Variants in LRSAM1 observed in about 807,000 individuals in gnomAD.
The protein encoded by LRSAM1 is leucine rich repeat and sterile alpha motif containing 1, also known as E3 ubiquitin-protein ligase LRSAM1.
In LRSAM1, 96 loss-of-function variants were observed where a neutral mutation model predicts 118.1. The observed-to-expected ratio is 0.81, with a 90% confidence interval of 0.69 to 0.96. The LOEUF is 0.96. Among genes scored for constraint, LRSAM1 ranks in the 40% least tolerant of loss-of-function variants. The probability of loss-of-function intolerance (pLI) is 0.00; values close to 1 mark genes in which losing one functional copy is unlikely to be tolerated. For missense variants in LRSAM1, 804 were observed against 915.5 expected, an observed-to-expected ratio of 0.88 and a Z score of 1.57; for synonymous variants, 322 against 364.2, an observed-to-expected ratio of 0.88 and a Z score of 1.32.
Position 127,481,197 on chromosome 9 carries a change from C to G in LRSAM1, c.1058C>G (p.Ser353Cys), listed in dbSNP as rs748144981. 1.4e-5 allele frequency: 22 copies of G among 1,613,816 alleles called. No homozygotes were observed. The highest frequency in any genetic ancestry group is 1.7e-5 in the Non-Finnish European group (20 of 1,180,000). ...TTTCTCCACAGACAAAAGAAAAGCT[C>G]CGAGATTTTGAAATCGCTGGAAAAT... ...LQDNQRQKKSSEILKSLENER... is the reference protein window; with the variant it reads ...LQDNQRQKKSCEILKSLENER... Residue 353 changes from serine (S) to cysteine (C), a missense_variant, in exon 15 of 26, where the codon TCC becomes TGC. Ser to Cys is a moderately radical substitution (Grantham distance 112). Coordinates refer to ENST00000300417, the MANE Select transcript of LRSAM1 (RefSeq NM_001005373.4).
At chr9:127,469,620 G>A (rs1439668686) in intron 10 of LRSAM1, among the ~76,000 whole-genome samples, 8 of 147,402 alleles carry the variant, frequency 5.4e-5, no homozygotes, top group Non-Finnish European at 4.5e-5. Flanking sequence ...CTTTTCAATG[G>A]AAAAAAAAAA....
chr9:127,458,879 A>T, intron 6 of LRSAM1, 124 bp from the exon 7 acceptor site: 1 of 818,488 alleles, frequency 1.2e-6, no homozygotes, highest in South Asian at 1.4e-5. Flanking sequence ...GTGGGAAAGG[A>T]GTGGCAGGCA....
At position 127,458,987 on chromosome 9, in the gene LRSAM1, G is replaced by A. The variant is rs767830115; in HGVS notation, c.253-16G>A. ...ACTTTCTCACTTGGAGACTCACAGG[G>A]GTCTTTCTTCTGCAGGTTCTAGATC... On this transcript the variant is annotated splice_polypyrimidine_tract_variant and intron_variant, in intron 6 of 25. Transcript: ENST00000300417. 4 of 1,613,200 alleles carry A rather than the reference G, an allele frequency of 2.5e-6. No individual in the cohort carries two copies. In the South Asian group the frequency reaches 4.4e-5, roughly 18 times the overall value.
chr9:127,456,484 G>T (rs1834522625), intron 5 of LRSAM1, among the ~76,000 whole-genome samples: 1 of 152,164 alleles, frequency 6.6e-6, no homozygotes, highest in Non-Finnish European at 1.5e-5. Context: ...ACCTGCCTTA[G>T]CCTGCCAAAG....
intron 24 of LRSAM1, among the ~76,000 whole-genome samples, chr9:127,497,908 C>CTGT (rs1836217170): frequency 6.6e-6 from 1 of 152,232 alleles, no homozygotes; most frequent in African/African-American, 2.4e-5. Context: ...TGAGGAGGCA[C>CTGT]TGTTGTGGTC....
chr9:127,460,181 G>T (rs868823757), intron 7 of LRSAM1, among the ~76,000 whole-genome samples: 1 of 151,886 alleles, frequency 6.6e-6, no homozygotes, highest in African/African-American at 2.4e-5. Flanking sequence ...TTATATTTTA[G>T]TAGAGACGGG....
At chr9:127,489,780 C>G (rs1463278494) in intron 19 of LRSAM1, among the ~76,000 whole-genome samples, 1 of 152,224 alleles carries the variant, frequency 6.6e-6, no homozygotes, top group Non-Finnish European at 1.5e-5. Context: ...ACGCCTGGGC[C>G]AGGGAGGCTG....
intron 10 of LRSAM1, among the ~76,000 whole-genome samples, chr9:127,471,522 C>T (rs1835168505): frequency 6.8e-6 from 1 of 146,102 alleles, no homozygotes; most frequent in Admixed American, 6.9e-5. Flanking sequence ...CGCGGTGGCT[C>T]ACGCCTGTAA....
In LRSAM1 at chr9:127,497,138, C is replaced by T. The variant is rs1836177921; in HGVS notation, c.1831-115C>T. On this transcript the variant is annotated intron_variant, in intron 23 of 25. Coordinates refer to ENST00000300417, the MANE Select transcript of LRSAM1 (RefSeq NM_001005373.4). Reference sequence around the variant, plus strand: ...CCCGCCAGGCCCCGGAAGGCTTCCACATTTCCAGCAGGAGGTGTCGACGGT... The same window carrying T: ...CCCGCCAGGCCCCGGAAGGCTTCCATATTTCCAGCAGGAGGTGTCGACGGT... The T allele has an allele frequency of 1.0e-5, 11 of 1,071,468 alleles. No homozygotes were observed. In the South Asian group the frequency reaches 1.3e-4, roughly 13 times the overall value. The allele number at this position is 1,071,468 out of a possible 1,614,324, so 66.4% of individuals were successfully genotyped here. A position where few individuals can be genotyped will look rare whatever the true frequency, so the allele number is the denominator to read the frequency against.
Position 127,473,825 on chromosome 9 carries a change from C to G in LRSAM1, c.644C>G (p.Pro215Arg), listed in dbSNP as rs764482781. 2.5e-6 allele frequency: 4 copies of G among 1,614,230 alleles called. No homozygotes were observed. The South Asian group carries it at 3.3e-5, about 13-fold the overall frequency. ...CKESGLEYYP[P>R]SQYLLPILEQ... Reference sequence around the variant, plus strand: ...GAGTCAGGGCTGGAATACTACCCCCCTTCTCAGTACTTGCTGCCAATTCTG... The same window carrying G: ...GAGTCAGGGCTGGAATACTACCCCCGTTCTCAGTACTTGCTGCCAATTCTG... Residue 215 changes from proline (P) to arginine (R), a missense_variant, in exon 11 of 26, where the codon CCT (proline) becomes CGT (arginine). Pro to Arg is a moderately radical substitution (Grantham distance 103). Transcript: ENST00000300417.
chr9:127,495,399 C>T lies in LRSAM1; in HGVS notation c.1679C>T (p.Pro560Leu), dbSNP rs1268843416. The T allele has an allele frequency of 1.2e-6, 2 of 1,613,900 alleles. No individual in the cohort carries two copies. Among genetic ancestry groups the T allele is most frequent in the Non-Finnish European group, 1.7e-6 (2 of 1,179,998 alleles). ...TATCAACGGCTTTTGAACCAGAAGC[C>T]CTTGTCCTTGAAGCTGCAAGTAAGG... is the stretch of plus-strand genomic sequence containing the variant. Reference protein sequence around the residue: ...IQYQRLLNQKPLSLKLQEEGM... With the variant: ...IQYQRLLNQKLLSLKLQEEGM... Residue 560 changes from proline to leucine, a missense_variant, in exon 22 of 26, where the codon CCC (proline) becomes CTC (leucine). Pro to Leu is a moderately conservative substitution (Grantham distance 98). Transcript: ENST00000300417.
At chr9:127,491,348 G>A (rs1275003152) in intron 20 of LRSAM1, 53 bp downstream of exon 20, 1 of 1,433,596 alleles carries the variant, frequency 7.0e-7, no homozygotes, top group Admixed American at 1.7e-5. Flanking sequence ...ACCCCCACCT[G>A]GTGCTCCCTC....
chr9:127,487,721 G>A lies in LRSAM1; in HGVS notation c.1305G>A (p.Gln435=), dbSNP rs779188065. Reference sequence around the variant, plus strand: ...GATTCCAGCAGATTCTGTCGTGGCAGCAAATGGATCAGAACAAAGCCATCA... The same window carrying A: ...GATTCCAGCAGATTCTGTCGTGGCAACAAATGGATCAGAACAAAGCCATCA... The part of the protein sequence containing the change: ...DERFQQILSW[Q]QMDQNKAISQ... Residue 435 remains glutamine (Q), a synonymous_variant, in exon 18 of 26, where the codon CAG becomes CAA. Transcript: ENST00000300417. The A allele has an allele frequency of 3.7e-6, 6 of 1,613,690 alleles. No homozygotes were observed. The Admixed American group carries it at 5.0e-5, about 13-fold the overall frequency.
intron 7 of LRSAM1, 73 bp from the exon 8 acceptor site, chr9:127,461,100 T>G: frequency 8.6e-7 from 1 of 1,164,804 alleles, no homozygotes; most frequent in Non-Finnish European, 1.3e-6. Flanking sequence ...GTGATCCACC[T>G]GCCTCGGCCT....
In LRSAM1 at chr9:127,465,570, G is replaced by A. The variant is rs1032978979; in HGVS notation, c.529-2170G>A. ...GCTGTTGGGCCCTCAGCATCTGGGC[G>A]GTCAGTTCCTCTTCCCTGGGGCAGT... On this transcript the variant is annotated intron_variant, in intron 9 of 25. Transcript: ENST00000300417. The surrounding 1 kb of genome is among the most constrained non-coding windows in gnomAD (Gnocchi z 4.1). Among the ~76,000 whole-genome samples the A allele has an allele frequency of 2.6e-5, 4 of 152,186 alleles. No individual in the cohort carries two copies. The highest frequency in any genetic ancestry group is 6.5e-5 in the Admixed American group (1 of 15,284).
intron 11 of LRSAM1, among the ~76,000 whole-genome samples, chr9:127,477,684 C>T (rs984024977): frequency 1.3e-5 from 2 of 151,644 alleles, no homozygotes; most frequent in Non-Finnish European, 2.9e-5. Context: ...CAGGAGGTCG[C>T]GGCTGCAGTG....
chr9:127,496,681 C>A (rs551751115), intron 23 of LRSAM1, among the ~76,000 whole-genome samples: 1 of 152,160 alleles, frequency 6.6e-6, no homozygotes, highest in African/African-American at 2.4e-5. Context: ...GGCCCAAGGT[C>A]ACACAGCAGA....
chr9:127,455,579 C>A lies in LRSAM1; in HGVS notation c.133C>A (p.Pro45Thr). ...ACTCTTCTTTATCTTATCTTAGATTCCATTTGGAGCTTTTGCAACATGCAA... is the reference window on the plus strand; with the variant it reads ...ACTCTTCTTTATCTTATCTTAGATTACATTTGGAGCTTTTGCAACATGCAA... The part of the protein sequence containing the change: ...DISKCELSEI[P>T]FGAFATCKVL... The change falls in exon 5 of 26, where the codon CCA becomes ACA. Residue 45 changes from proline (P) to threonine (T), a missense_variant. Physicochemically the swap from Pro to Thr is conservative, Grantham distance 38. Coordinates refer to ENST00000300417, the MANE Select transcript of LRSAM1 (RefSeq NM_001005373.4). The A allele has an allele frequency of 6.2e-7, 1 of 1,614,170 alleles. No individual in the cohort carries two copies. Among genetic ancestry groups the A allele is most frequent in the Non-Finnish European group, 8.5e-7 (1 of 1,179,986 alleles).
chr9:127,473,003 A>G (rs952439476), intron 10 of LRSAM1, among the ~76,000 whole-genome samples: 1 of 152,054 alleles, frequency 6.6e-6, no homozygotes, highest in Non-Finnish European at 1.5e-5. Context: ...AGTGGCTGGG[A>G]GGACCTCTCT....
Sources: allele counts gnomAD v4.1 joint callset (sites outside exome capture counted in the v4.1 genomes callset), GRCh38; gene constraint gnomAD v4.1.1; non-coding constraint Gnocchi (gnomAD v3.1); transcripts MANE v1.5; gene names NCBI Gene and HGNC (gene_info 2026-07-23, HGNC 2026-07-21).